The following VRK1 variants were observed in gnomAD, a reference collection of about 807,000 sequenced individuals.
VRK1 encodes the protein serine/threonine-protein kinase VRK1.
In VRK1, 33 loss-of-function variants were observed where a neutral mutation model predicts 57.1. That is an observed-to-expected ratio of 0.58 (90% CI 0.44 to 0.77). The LOEUF (loss-of-function observed/expected upper bound fraction) is 0.77, where lower values mean the gene tolerates loss of function less well. Among genes scored for constraint, VRK1 ranks in the 30% least tolerant of loss-of-function variants. VRK1 has a pLI of 0.00. For missense variants in VRK1, 413 were observed against 477.3 expected, an observed-to-expected ratio of 0.87 and a Z score of 1.25; for synonymous variants, 137 against 147.8, an observed-to-expected ratio of 0.93 and a Z score of 0.53.
intron 1 of VRK1, among the ~76,000 whole-genome samples, chr14:96,801,112 G>A (rs1005076863): frequency 6.6e-6 from 1 of 152,070 alleles, no homozygotes; most frequent in African/African-American, 2.4e-5. Flanking sequence ...TTTGAGGACC[G>A]TCTGTCTGGC....
At chr14:96,853,009 A>T in intron 6 of VRK1, 65 bp from the exon 7 acceptor site, 1 of 1,605,410 alleles carries the variant, frequency 6.2e-7, no homozygotes, top group East Asian at 2.2e-5. Flanking sequence ...TTTATGTTGA[A>T]GCTTGGTCCT....
intron 4 of VRK1, 73 bp from the exon 5 acceptor site, chr14:96,847,184 T>A: frequency 8.3e-7 from 1 of 1,207,386 alleles, no homozygotes; most frequent in Non-Finnish European, 1.2e-6. Flanking sequence ...TACATTTTGC[T>A]CTTAATGATT....
At chr14:96,804,924 C>T (rs529913039) in intron 1 of VRK1, among the ~76,000 whole-genome samples, 49 of 152,234 alleles carry the variant, frequency 3.2e-4, no homozygotes, top group South Asian at 1.7e-3. Flanking sequence ...CAAACTGTTT[C>T]GTATTTATGC....
chr14:96,823,177 G>A (rs1479523393), intron 1 of VRK1, among the ~76,000 whole-genome samples: 4 of 152,150 alleles, frequency 2.6e-5, no homozygotes, highest in Admixed American at 2.0e-4. Context: ...TTTAAAACAT[G>A]ACTGGATTTT....
intron 3 of VRK1, among the ~76,000 whole-genome samples, chr14:96,841,834 CAAA>C (rs397933004): frequency 7.3e-6 from 1 of 136,152 alleles, no homozygotes. Flanking sequence ...GACTCTATCT[CAAA>C]AAAAAAAAAA....
intron 1 of VRK1, among the ~76,000 whole-genome samples, chr14:96,820,953 G>C (rs1886575585): frequency 6.6e-6 from 1 of 152,154 alleles, no homozygotes; most frequent in Non-Finnish European, 1.5e-5. Flanking sequence ...ATCATTGGAA[G>C]AGACACTTTT....
chr14:96,815,653 G>GT (rs1290502579), intron 1 of VRK1, among the ~76,000 whole-genome samples: 2 of 152,054 alleles, frequency 1.3e-5, no homozygotes, highest in African/African-American at 4.8e-5. Context: ...GAAGGCTGAG[G>GT]TGGGAGGATC....
At chr14:96,857,589 G>A (rs1008448856) in intron 10 of VRK1, among the ~76,000 whole-genome samples, 2 of 152,184 alleles carry the variant, frequency 1.3e-5, no homozygotes, top group African/African-American at 2.4e-5. Flanking sequence ...GGGATGGACT[G>A]CTGAAGGAGC....
intron 11 of VRK1, among the ~76,000 whole-genome samples, chr14:96,871,537 T>TG: frequency 6.6e-6 from 1 of 152,342 alleles, no homozygotes; most frequent in South Asian, 2.1e-4. Flanking sequence ...AACAAATAGT[T>TG]GCAGAAATTA....
At chr14:96,862,435 A>G (rs1293815257) in intron 11 of VRK1, among the ~76,000 whole-genome samples, 5 of 152,138 alleles carry the variant, frequency 3.3e-5, no homozygotes, top group African/African-American at 1.2e-4. Flanking sequence ...AAAAGAAATT[A>G]ATAAAAGTTA....
chr14:96,833,290 TAAG>T (rs906656291), intron 1 of VRK1, among the ~76,000 whole-genome samples, 174 bp from the exon 2 acceptor site: 42 of 152,312 alleles, frequency 2.8e-4, no homozygotes, highest in African/African-American at 1.0e-3. Flanking sequence ...TCTCCAAAGT[TAAG>T]AGATAATCAA....
chr14:96,807,799 G>T (rs921125584), intron 1 of VRK1, among the ~76,000 whole-genome samples: 1 of 152,094 alleles, frequency 6.6e-6, no homozygotes, highest in East Asian at 1.9e-4. Context: ...TTAACTAACT[G>T]CAACTTTTAA....
chr14:96,802,226 A>G (rs371506492), intron 1 of VRK1, among the ~76,000 whole-genome samples: 2 of 152,302 alleles, frequency 1.3e-5, no homozygotes, highest in East Asian at 1.9e-4. Context: ...TTAAACGTAC[A>G]TTTGACACAC....
chr14:96,803,809 T>C (rs1356359668), intron 1 of VRK1, among the ~76,000 whole-genome samples: 1 of 152,222 alleles, frequency 6.6e-6, no homozygotes, highest in Non-Finnish European at 1.5e-5. Context: ...TTTCATGTGC[T>C]TATTTGCCAT....
intron 8 of VRK1, 135 bp downstream of exon 8, chr14:96,855,491 G>C: frequency 7.6e-7 from 1 of 1,322,948 alleles, no homozygotes; most frequent in Non-Finnish European, 1.1e-6. Flanking sequence ...AGGAAAGAAG[G>C]CAGAGGTGAG....
intron 1 of VRK1, among the ~76,000 whole-genome samples, chr14:96,829,538 T>G (rs1595657353): frequency 2.0e-5 from 3 of 152,350 alleles, no homozygotes; most frequent in Admixed American, 2.0e-4. Flanking sequence ...TACCTTTACC[T>G]ATTCTATCTT....
At chr14:96,847,483 G>A in intron 5 of VRK1, 139 bp downstream of exon 5, 1 of 720,604 alleles carries the variant, frequency 1.4e-6, no homozygotes, top group Non-Finnish European at 2.5e-6. Context: ...ATGTGACAGA[G>A]AGGAATAAGA....
At chr14:96,803,108 G>C (rs1381560896) in intron 1 of VRK1, among the ~76,000 whole-genome samples, 1 of 150,750 alleles carries the variant, frequency 6.6e-6, no homozygotes, top group Non-Finnish European at 1.5e-5. Context: ...TGGTGCTTGT[G>C]TTTGAGAATC....
chr14:96,815,474 CTTATA>C (rs1483147136), intron 1 of VRK1, among the ~76,000 whole-genome samples: 1 of 151,852 alleles, frequency 6.6e-6, no homozygotes, highest in East Asian at 1.9e-4. Context: ...CTGAAGATAC[CTTATA>C]TTGTTTGGGC....
Sources: gnomAD v4.1 joint callset for allele counts (sites outside exome capture counted in the v4.1 genomes callset) on GRCh38, gnomAD v4.1.1 for gene constraint, MANE v1.5 for transcripts, NCBI Gene and HGNC (gene_info 2026-07-23, HGNC 2026-07-21) for gene names.